The following CACNA1C variants were observed in gnomAD, a reference collection of about 807,000 sequenced individuals.
The protein encoded by CACNA1C is calcium voltage-gated channel subunit alpha1 C.
A neutral mutation model predicts 229.0 loss-of-function variants in CACNA1C; 30 were observed. The observed-to-expected ratio is 0.13, with a 90% confidence interval of 0.10 to 0.18. The LOEUF is 0.18. Among genes scored for constraint, CACNA1C ranks in the 10% least tolerant of loss-of-function variants. The pLI is 1.00. For synonymous variants in CACNA1C, 1,114 were observed against 1,132.5 expected (o/e 0.98, Z 0.33); for missense variants, 1,658 against 2,845.0 (o/e 0.58, Z 9.49).
intron 3 of CACNA1C, among the ~76,000 whole-genome samples, chr12:2,398,771 C>G (rs2098632988): frequency 6.6e-6 from 1 of 152,070 alleles, no homozygotes; most frequent in African/African-American, 2.4e-5. Flanking sequence ...GTGAGACAGC[C>G]CAAAGGAGGC....
rs188457205 is a variant in CACNA1C at position 2,064,982 on chromosome 12, T to C, written c.49+11371T>C. Among the ~76,000 whole-genome samples, 35 of 152,338 alleles carry C rather than the reference T, an allele frequency of 2.3e-4. No homozygotes were observed. The East Asian group carries it at 5.0e-3, about 22-fold the overall frequency. The stretch of plus-strand genomic sequence containing the variant: ...GTGAAGCTCAGAAGACTTTGCACTT[T>C]GAAGGCCAATGTACTTAATTTAATC... On this transcript the variant is annotated intron_variant, in intron 1 of 46. Transcript: ENST00000399655.
At chr12:2,323,183 C>T (rs918817785) in intron 3 of CACNA1C, among the ~76,000 whole-genome samples, 18 of 152,284 alleles carry the variant, frequency 1.2e-4, no homozygotes, top group East Asian at 9.6e-4. Context: ...CTTTTTCAGC[C>T]GACCTTGCTT....
At chr12:1,976,636 A>G (rs1213488763) in intron 1 of CACNA1C, among the ~76,000 whole-genome samples, 7 of 151,768 alleles carry the variant, frequency 4.6e-5, no homozygotes, top group Non-Finnish European at 1.5e-5. Flanking sequence ...TTTGCCTAGT[A>G]AGAATGTCAA....
intron 9 of CACNA1C, among the ~76,000 whole-genome samples, chr12:2,526,280 C>T (rs1432079036): frequency 6.6e-6 from 1 of 152,234 alleles, no homozygotes; most frequent in African/African-American, 2.4e-5. Flanking sequence ...CCACACCCTA[C>T]CCCATGTGGG....
intron 3 of CACNA1C, among the ~76,000 whole-genome samples, chr12:2,161,928 A>G (rs1346067815): frequency 6.6e-6 from 1 of 152,204 alleles, no homozygotes; most frequent in Non-Finnish European, 1.5e-5. Context: ...GACCTCTGGC[A>G]CTTAGAACCT....
intron 5 of CACNA1C, among the ~76,000 whole-genome samples, chr12:2,480,166 C>A (rs536489084): frequency 6.6e-6 from 1 of 152,294 alleles, no homozygotes; most frequent in South Asian, 2.1e-4. Flanking sequence ...CCAGGGATTT[C>A]TTTGAGAGAC....
intron 1 of CACNA1C, among the ~76,000 whole-genome samples, chr12:2,044,768 G>A (rs1410313434): frequency 6.6e-6 from 1 of 152,092 alleles, no homozygotes; most frequent in Admixed American, 6.5e-5. Flanking sequence ...GAGGTGGCCT[G>A]GTCCCAAATG....
chr12:2,283,020 CTTT>C (rs374051091), intron 3 of CACNA1C, among the ~76,000 whole-genome samples: 4 of 144,326 alleles, frequency 2.8e-5, no homozygotes, highest in Non-Finnish European at 4.6e-5. Context: ...CACTCTGGCC[CTTT>C]TTTTTTTTTT....
Position 2,647,908 on chromosome 12 carries a change from A to G in CACNA1C, c.3913-567A>G, listed in dbSNP as rs942176123. 2.0e-5 allele frequency among the ~76,000 whole-genome samples: 3 copies of G among 152,348 alleles called. No homozygotes were observed. The highest frequency in any genetic ancestry group is 2.1e-4 in the South Asian group (1 of 4,832). ...GAGGCCAAGGCAGGAGGATCGCTTG[A>G]GGCCAGCCCACGAGTTTGAGACCAG... On this transcript the variant is annotated intron_variant, in intron 30 of 46. Transcript: ENST00000399655. This position sits in a 1 kb window ranked among gnomAD's most constrained non-coding sequence, Gnocchi z 4.2.
chr12:2,606,630 C>A lies in CACNA1C; in HGVS notation c.3176C>A (p.Ser1059Ter). Reference sequence around the variant, plus strand: ...TTCCAGGGAAAGCTGTACACCTGTTCAGACAGTTCCAAGCAGACAGAGGCG... The same window carrying A: ...TTCCAGGGAAAGCTGTACACCTGTTAAGACAGTTCCAAGCAGACAGAGGCG... ...QLFKGKLYTC[S>*]DSSKQTEAEC... Residue 1059 changes from serine (S) to a stop codon, truncating the protein, a stop_gained, in exon 25 of 47, where the codon TCA (serine) becomes TAA (stop). Coordinates refer to ENST00000399655, the MANE Select transcript of CACNA1C (RefSeq NM_000719.7). LOFTEE classifies it high-confidence loss of function. The A allele has an allele frequency of 1.2e-6, 2 of 1,608,652 alleles. No homozygotes were observed. The highest frequency in any genetic ancestry group is 2.2e-5 in the South Asian group (2 of 89,488).
At chr12:2,530,049 G>A (rs1464909162) in intron 9 of CACNA1C, among the ~76,000 whole-genome samples, 1 of 152,232 alleles carries the variant, frequency 6.6e-6, no homozygotes, top group Non-Finnish European at 1.5e-5. Flanking sequence ...GGAGATTTAT[G>A]GAGTAAATGT....
At chr12:2,065,538 TC>T (rs2058999738) in intron 1 of CACNA1C, among the ~76,000 whole-genome samples, 1 of 152,184 alleles carries the variant, frequency 6.6e-6, no homozygotes, top group South Asian at 2.1e-4. Context: ...CCCTCAACTA[TC>T]CCTTCCTTTA....
chr12:2,278,832 A>G (rs1030701947), intron 3 of CACNA1C, among the ~76,000 whole-genome samples: 1 of 152,244 alleles, frequency 6.6e-6, no homozygotes, highest in Admixed American at 6.5e-5. Flanking sequence ...TGGTTGTGCC[A>G]TTTTGTGCTG....
chr12:2,664,515 G>T (rs2095963675), intron 34 of CACNA1C, among the ~76,000 whole-genome samples: 1 of 152,210 alleles, frequency 6.6e-6, no homozygotes, highest in African/African-American at 2.4e-5. Context: ...CTCCTGTACA[G>T]CAGTTAAGGT....
rs1395003191 is a variant in CACNA1C, at chr12:2,348,421, G to A, written c.478-100555G>A. ...GCAACTTAGTCAATCCAAACGTGGA[G>A]GTGATTGGCATATGTAAGAACCCCC... is the stretch of plus-strand genomic sequence containing the variant. On this transcript the variant is annotated intron_variant, in intron 3 of 46. Coordinates refer to ENST00000399655, the MANE Select transcript of CACNA1C (RefSeq NM_000719.7). The surrounding 1 kb of genome is among the most constrained non-coding windows in gnomAD (Gnocchi z 4.7). 6.6e-6 allele frequency among the ~76,000 whole-genome samples: 1 copy of A among 152,218 alleles called. No homozygotes were observed. Among genetic ancestry groups the A allele is most frequent in the Non-Finnish European group, 1.5e-5 (1 of 68,032 alleles).
At chr12:2,449,671 C>G (rs796825528) in intron 4 of CACNA1C, among the ~76,000 whole-genome samples, 20 of 152,388 alleles carry the variant, frequency 1.3e-4, no homozygotes, top group African/African-American at 4.8e-4. Context: ...TCCCACACAG[C>G]ATGCACACAC....
chr12:2,530,877 A>T (rs1328794885), intron 9 of CACNA1C, among the ~76,000 whole-genome samples: 2 of 152,210 alleles, frequency 1.3e-5, no homozygotes, highest in Admixed American at 1.3e-4. Context: ...GCTAACTGTG[A>T]CATCTTTAGG....
chr12:2,262,824 A>G (rs1270352359), intron 3 of CACNA1C, among the ~76,000 whole-genome samples: 1 of 152,228 alleles, frequency 6.6e-6, no homozygotes, highest in African/African-American at 2.4e-5. Context: ...CTGAATGCCC[A>G]CAGTGGGCAG....
intron 30 of CACNA1C, among the ~76,000 whole-genome samples, chr12:2,643,995 A>G (rs887473678): frequency 6.6e-6 from 1 of 152,236 alleles, no homozygotes; most frequent in Non-Finnish European, 1.5e-5. Context: ...GGGAGGGGGT[A>G]CTGGCTGGAT....
Sources: allele counts gnomAD v4.1 joint callset (sites outside exome capture counted in the v4.1 genomes callset), GRCh38; gene constraint gnomAD v4.1.1; non-coding constraint Gnocchi (gnomAD v3.1); transcripts MANE v1.5; gene names NCBI Gene and HGNC (gene_info 2026-07-23, HGNC 2026-07-21).